IGHMBP2: variants seen among roughly 807,000 people sequenced by gnomAD.
IGHMBP2 encodes DNA-binding protein SMUBP-2.
A neutral mutation model predicts 96.0 loss-of-function variants in IGHMBP2; 81 were observed. That is an observed-to-expected ratio of 0.84 (90% CI 0.71 to 1.01). The LOEUF is 1.01. Ranked by LOEUF, IGHMBP2 falls within the 50% of genes least tolerant of loss-of-function variation. The pLI is 0.00. For missense variants in IGHMBP2, 1,227 were observed against 1,306.3 expected, an observed-to-expected ratio of 0.94 and a Z score of 0.94; for synonymous variants, 557 against 548.9, an observed-to-expected ratio of 1.01 and a Z score of -0.21.
chr11:68,917,282 C>A (rs1366646078), intron 6 of IGHMBP2, among the ~76,000 whole-genome samples: 1 of 152,094 alleles, frequency 6.6e-6, no homozygotes, highest in African/African-American at 2.4e-5. Flanking sequence ...TGACCAGTTC[C>A]ATCTTTTTGA....
intron 5 of IGHMBP2, among the ~76,000 whole-genome samples, chr11:68,912,810 C>T (rs1394961210): frequency 4.0e-5 from 6 of 151,790 alleles, no homozygotes; most frequent in East Asian, 1.9e-4. Flanking sequence ...GAGGCTGAGG[C>T]GGGTGGGTCA....
intron 13 of IGHMBP2, chr11:68,937,649 T>C (rs1326619042): frequency 4.4e-6 from 1 of 229,250 alleles, no homozygotes; most frequent in Non-Finnish European, 8.7e-6. Context: ...GCAGTGGGAG[T>C]TGGCCAGGCA....
chr11:68,925,429 G>T lies in IGHMBP2; in HGVS notation c.1061-3754G>T, dbSNP rs979547437. On this transcript the variant is annotated intron_variant, in intron 7 of 14. Coordinates refer to ENST00000255078, the MANE Select transcript of IGHMBP2 (RefSeq NM_002180.3). Reference sequence around the variant, plus strand: ...CTCCCAAAGTGCTAGGATTACAGGAGTGAGCCACCACACCTGGCTAGATTC... The same window carrying T: ...CTCCCAAAGTGCTAGGATTACAGGATTGAGCCACCACACCTGGCTAGATTC... 5.9e-5 allele frequency among the ~76,000 whole-genome samples: 9 copies of T among 152,184 alleles called. No homozygotes were observed. In the East Asian group the frequency reaches 7.7e-4, roughly 13 times the overall value.
intron 7 of IGHMBP2, among the ~76,000 whole-genome samples, chr11:68,921,618 A>G (rs1014036805): frequency 5.9e-5 from 9 of 152,176 alleles, no homozygotes; most frequent in African/African-American, 1.7e-4. Context: ...AAGACTTACA[A>G]TGCTTGTTCT....
Position 68,940,001 on chromosome 11 carries a change from C to G in IGHMBP2, c.*270C>G. ...CCCTTCCCCTTACTCCCCGCCAAAA[C>G]CCACATCCCAGCCTCTGGATCCTGG... On this transcript the variant is annotated 3_prime_UTR_variant, in exon 15 of 15. Coordinates refer to ENST00000255078, the MANE Select transcript of IGHMBP2 (RefSeq NM_002180.3). 2.0e-6 allele frequency: 1 copy of G among 498,002 alleles called. No homozygotes were observed. Among genetic ancestry groups the G allele is most frequent in the Non-Finnish European group, 3.6e-6 (1 of 277,538 alleles). The allele number at this position is 498,002 out of a possible 1,614,324, so 30.8% of individuals were successfully genotyped here.
chr11:68,912,011 A>G (rs1159258643), intron 5 of IGHMBP2, among the ~76,000 whole-genome samples: 1 of 152,256 alleles, frequency 6.6e-6, no homozygotes, highest in African/African-American at 2.4e-5. Context: ...GTTAACAGCT[A>G]ATCAGATAGT....
chr11:68,919,715 A>G (rs775492178), intron 7 of IGHMBP2, among the ~76,000 whole-genome samples: 2 of 152,144 alleles, frequency 1.3e-5, no homozygotes, highest in Non-Finnish European at 2.9e-5. Flanking sequence ...CTGCAGTTCT[A>G]TTGGTTTTTG....
At chr11:68,932,890 A>G (rs903392561) in intron 8 of IGHMBP2, 1 of 231,586 alleles carries the variant, frequency 4.3e-6, no homozygotes, top group Admixed American at 5.0e-5. Context: ...CCTAGAGGCC[A>G]CTGCTTGACT....
At chr11:68,938,448 G>T in intron 14 of IGHMBP2, 94 bp downstream of exon 14, 1 of 1,157,670 alleles carries the variant, frequency 8.6e-7, no homozygotes, top group Non-Finnish European at 1.2e-6. Context: ...GTTCCAGTCG[G>T]AACAGTTAGC....
intron 7 of IGHMBP2, chr11:68,926,250 G>C (rs1859062151): frequency 7.0e-6 from 1 of 142,952 alleles, no homozygotes; most frequent in Non-Finnish European, 1.5e-5. Flanking sequence ...TTCAACTCCA[G>C]AATTTCTGTG....
At chr11:68,907,607 T>C (rs1858253200) in intron 2 of IGHMBP2, among the ~76,000 whole-genome samples, 1 of 152,166 alleles carries the variant, frequency 6.6e-6, no homozygotes, top group African/African-American at 2.4e-5. Flanking sequence ...TTCGTAGACT[T>C]TAGCCCAACA....
intron 7 of IGHMBP2, among the ~76,000 whole-genome samples, chr11:68,921,720 T>G (rs2154007724): frequency 6.6e-6 from 1 of 152,326 alleles, no homozygotes; most frequent in South Asian, 2.1e-4. Context: ...TGGCGCTTTG[T>G]TTTCTTTTGG....
At position 68,933,560 on chromosome 11, in the gene IGHMBP2, G is replaced by A. The variant is rs1017179636; in HGVS notation, c.1418+79G>A. ...TGCGTCACCTGTTTCTACGCAGCAAGCTAAAGTGAAGCTTTCTGCATGAAA... is the reference window on the plus strand; with the variant it reads ...TGCGTCACCTGTTTCTACGCAGCAAACTAAAGTGAAGCTTTCTGCATGAAA... On this transcript the variant is annotated intron_variant, in intron 9 of 14. Coordinates refer to ENST00000255078, the MANE Select transcript of IGHMBP2 (RefSeq NM_002180.3). The A allele has an allele frequency of 7.4e-6, 11 of 1,491,850 alleles. No homozygotes were observed. In the African/African-American group the frequency reaches 9.7e-5, roughly 13 times the overall value. 92.4% of individuals were successfully genotyped at this position (1,491,850 alleles called of 1,614,324 possible).
At chr11:68,922,061 G>C (rs1858897031) in intron 7 of IGHMBP2, among the ~76,000 whole-genome samples, 1 of 152,074 alleles carries the variant, frequency 6.6e-6, no homozygotes, top group South Asian at 2.1e-4. Context: ...CAGGTGTGGT[G>C]GCTCATGCCT....
At position 68,936,907 on chromosome 11, in the gene IGHMBP2, C is replaced by T. The variant is rs1165471451; in HGVS notation, c.2427C>T (p.Pro809=). 1.2e-6 allele frequency: 2 copies of T among 1,607,074 alleles called. No homozygotes were observed. The highest frequency in any genetic ancestry group is 3.4e-5 in the Admixed American group (2 of 58,938). ...GCCCAGCCCCTCTCCAGCCAGTGCC[C>T]CCTACCCCTGCGCAGACAGAGCAGC... ...TGGPAPLQPV[P]PTPAQTEQPP... The change falls in exon 13 of 15, where the codon CCC becomes CCT. Residue 809 remains proline (P), a synonymous_variant. Coordinates refer to ENST00000255078, the MANE Select transcript of IGHMBP2 (RefSeq NM_002180.3).
At chr11:68,905,170 G>C (rs1470791589) in intron 1 of IGHMBP2, among the ~76,000 whole-genome samples, 1 of 152,188 alleles carries the variant, frequency 6.6e-6, no homozygotes, top group African/African-American at 2.4e-5. Flanking sequence ...AACTTGCCCC[G>C]GGGTGACACA....
At chr11:68,922,540 T>G (rs748278549) in intron 7 of IGHMBP2, among the ~76,000 whole-genome samples, 2 of 151,234 alleles carry the variant, frequency 1.3e-5, no homozygotes, top group African/African-American at 2.4e-5. Flanking sequence ...GGAGTACAGA[T>G]GCACACCACC....
In IGHMBP2 at chr11:68,930,370, A is replaced by T. The variant is rs997072422; in HGVS notation, c.1235+1013A>T. The stretch of plus-strand genomic sequence containing the variant: ...GTTGTTTTCCGAGGACCGGAAGAAG[A>T]TGTGCAAGAAATCCTGTCGAGTAGA... On this transcript the variant is annotated intron_variant, in intron 8 of 14. Coordinates refer to ENST00000255078, the MANE Select transcript of IGHMBP2 (RefSeq NM_002180.3). 3.1e-6 allele frequency: 4 copies of T among 1,289,676 alleles called. No homozygotes were observed. The African/African-American group carries it at 6.1e-5, about 20-fold the overall frequency. 79.9% of individuals were successfully genotyped at this position (1,289,676 alleles called of 1,614,324 possible).
Position 68,936,389 on chromosome 11 carries a change from C to T in IGHMBP2, c.1909C>T (p.Arg637Cys), listed in dbSNP as rs201563456. The T allele has an allele frequency of 2.8e-5, 46 of 1,614,148 alleles. No homozygotes were observed. The highest frequency in any genetic ancestry group is 8.0e-5 in the African/African-American group (6 of 75,032). Residue 637 changes from arginine (R) to cysteine (C), a missense_variant, in exon 13 of 15, where the codon CGC (arginine) becomes TGC (cysteine). Arg to Cys is a radical substitution (Grantham distance 180, BLOSUM62 -3). Coordinates refer to ENST00000255078, the MANE Select transcript of IGHMBP2 (RefSeq NM_002180.3). ...GTATTTCACACAGCATGGGGAAGTA[C>T]GCACGGCCTTTGAGTATCTTGACGA... Reference protein sequence around the residue: ...VEYFTQHGEVRTAFEYLDDIV... With the variant: ...VEYFTQHGEVCTAFEYLDDIV...
Sources: gnomAD v4.1 joint callset for allele counts (sites outside exome capture counted in the v4.1 genomes callset) on GRCh38, gnomAD v4.1.1 for gene constraint, MANE v1.5 for transcripts, NCBI Gene and HGNC (gene_info 2026-07-23, HGNC 2026-07-21) for gene names.